The following COL18A1 variants were observed in gnomAD, a reference collection of about 807,000 sequenced individuals.
The protein encoded by COL18A1 is collagen type XVIII alpha 1 chain.
Under a neutral mutation model 168.0 loss-of-function variants are expected in COL18A1, and 133 were observed. The ratio of observed to expected loss-of-function variants is 0.79; its 90% CI spans 0.69 to 0.91. The LOEUF is 0.91. Among genes scored for constraint, COL18A1 ranks in the 40% least tolerant of loss-of-function variants. The pLI is 0.00. For synonymous variants in COL18A1, 949 were observed against 809.0 expected, an observed-to-expected ratio of 1.17 and a Z score of -2.94; for missense variants, 2,126 against 1,925.4, an observed-to-expected ratio of 1.10 and a Z score of -1.95.
intron 30 of COL18A1, 47 bp downstream of exon 30, chr21:45,496,615 ACACAGAGCCC>A (rs1329695851): frequency 1.1e-6 from 1 of 901,402 alleles, no homozygotes; most frequent in Non-Finnish European, 1.9e-6. Context: ...CTTGGCTGTC[ACACAGAGCCC>A]CACAGAGGGG....
rs2034443684 is a variant in COL18A1, at chr21:45,443,758, T to C, written c.107-24484T>C. 6.6e-6 allele frequency among the ~76,000 whole-genome samples: 1 copy of C among 152,134 alleles called. No individual in the cohort carries two copies. The highest frequency in any genetic ancestry group is 2.4e-5 in the African/African-American group (1 of 41,434). ...TGGTGAAGAGTCTTTATGAGAGCAATGCGGCCCCGTGCCCCTTTACGCGGC... is the reference window on the plus strand; with the variant it reads ...TGGTGAAGAGTCTTTATGAGAGCAACGCGGCCCCGTGCCCCTTTACGCGGC... On this transcript the variant is annotated intron_variant, in intron 2 of 41. Coordinates refer to ENST00000651438, the MANE Select transcript of COL18A1 (RefSeq NM_001379500.1). The surrounding 1 kb of genome is among the most constrained non-coding windows in gnomAD (Gnocchi z 5.2).
At chr21:45,511,360 A>G (rs898942093) in intron 41 of COL18A1, 134 bp downstream of exon 41, 6 of 682,012 alleles carry the variant, frequency 8.8e-6, no homozygotes, top group Admixed American at 4.2e-5. Context: ...AAATTACAAA[A>G]TCCAAAAGAG....
At chr21:45,505,044 G>A in intron 34 of COL18A1, 90 bp from the exon 35 acceptor site, 9 of 1,514,590 alleles carry the variant, frequency 5.9e-6, no homozygotes, top group African/African-American at 2.7e-5. Context: ...GCTCGCCAAG[G>A]GGGTCTTGGC....
chr21:45,447,030 C>T (rs904462124), intron 2 of COL18A1, among the ~76,000 whole-genome samples: 4 of 152,128 alleles, frequency 2.6e-5, no homozygotes, highest in Admixed American at 6.6e-5. Context: ...GGTGGAGGAG[C>T]GAATGCTTTC....
intron 2 of COL18A1, among the ~76,000 whole-genome samples, chr21:45,437,355 T>C (rs1380847286): frequency 1.0e-4 from 4 of 38,458 alleles, no homozygotes; most frequent in Admixed American, 2.8e-4. Flanking sequence ...GGCACTCTCC[T>C]GCGCACACAC....
At chr21:45,500,297 T>TGA (rs1278706611) in intron 32 of COL18A1, among the ~76,000 whole-genome samples, 1 of 32,338 alleles carries the variant, frequency 3.1e-5, no homozygotes, top group Non-Finnish European at 5.9e-5. Context: ...GTGTGGAGTG[T>TGA]ATATGTGGGT....
At chr21:45,503,591 T>G (rs980154635) in intron 32 of COL18A1, among the ~76,000 whole-genome samples, 1 of 132,564 alleles carries the variant, frequency 7.5e-6, no homozygotes, top group South Asian at 2.3e-4. Flanking sequence ...AACAATGAGA[T>G]CACATGGACA....
At chr21:45,437,417 C>T (rs1320132154) in intron 2 of COL18A1, among the ~76,000 whole-genome samples, 1 of 108,614 alleles carries the variant, frequency 9.2e-6, no homozygotes, top group Non-Finnish European at 1.8e-5. Context: ...CACACTCAGA[C>T]ACACAGGCAC....
At chr21:45,442,653 G>C (rs1362190635) in intron 2 of COL18A1, among the ~76,000 whole-genome samples, 4 of 145,850 alleles carry the variant, frequency 2.7e-5, no homozygotes, top group Non-Finnish European at 4.5e-5. Flanking sequence ...GGGCAGCGGT[G>C]CTGGTGTGGG....
rs1046000639 is a variant in COL18A1, at chr21:45,443,560, G to C, written c.107-24682G>C. 1.3e-5 allele frequency among the ~76,000 whole-genome samples: 2 copies of C among 152,130 alleles called. No homozygotes were observed. Among genetic ancestry groups the C allele is most frequent in the Non-Finnish European group, 2.9e-5 (2 of 68,000 alleles). ...TGCACTGTGGTCTCTCGGGACCTAG[G>C]AGGTCCCGGGGTGTGGACTGTGCTG... On this transcript the variant is annotated intron_variant, in intron 2 of 41. Transcript: ENST00000651438. The surrounding 1 kb of genome is among the most constrained non-coding windows in gnomAD (Gnocchi z 5.2).
At chr21:45,421,161 C>G in intron 2 of COL18A1, 1 of 345,534 alleles carries the variant, frequency 2.9e-6, no homozygotes, top group South Asian at 2.2e-5. Context: ...TCCTCAAGGA[C>G]AGACGGACAG....
chr21:45,408,167 C>G (rs939400428), intron 2 of COL18A1: 1 of 152,270 alleles, frequency 6.6e-6, no homozygotes, highest in African/African-American at 2.4e-5. Context: ...CTGCCCTGCT[C>G]CAGAGTGCAG....
chr21:45,493,964 G>A, intron 26 of COL18A1: 2 of 295,312 alleles, frequency 6.8e-6, no homozygotes, highest in Non-Finnish European at 1.3e-5. Context: ...GATGCTGTGG[G>A]CAGGGCCCGG....
chr21:45,473,468 C>T lies in COL18A1; in HGVS notation c.652-427C>T, dbSNP rs1288934359. 6.6e-6 allele frequency among the ~76,000 whole-genome samples: 1 copy of T among 152,194 alleles called. No individual in the cohort carries two copies. Among genetic ancestry groups the T allele is most frequent in the Non-Finnish European group, 1.5e-5 (1 of 68,040 alleles). ...AAGCCATGGTGCCACCTCGGTTGGT[C>T]CGAGTCGGGAGATGAGGCCGCCTGG... On this transcript the variant is annotated intron_variant, in intron 3 of 41. Transcript: ENST00000651438. This position sits in a 1 kb window ranked among gnomAD's most constrained non-coding sequence, Gnocchi z 4.0.
chr21:45,512,090 G>GGGCT, intron 41 of COL18A1, 98 bp from the exon 42 acceptor site: 1 of 1,353,094 alleles, frequency 7.4e-7, no homozygotes, highest in Non-Finnish European at 1.0e-6. Context: ...GGTAACCCCA[G>GGGCT]GGCTGGCCTC....
intron 41 of COL18A1, among the ~76,000 whole-genome samples, chr21:45,511,571 A>G (rs2037610525): frequency 6.6e-6 from 1 of 152,098 alleles, no homozygotes; most frequent in African/African-American, 2.4e-5. Flanking sequence ...AACTCCTCAA[A>G]GGGCAACACG....
chr21:45,493,115 G>T (rs1218742649), intron 24 of COL18A1, 48 bp from the exon 25 acceptor site: 6 of 1,519,548 alleles, frequency 3.9e-6, no homozygotes, highest in Non-Finnish European at 5.4e-6. Context: ...CGTCGGGGAT[G>T]GGGGAGATGC....
chr21:45,420,489 C>T (rs2033587314), intron 2 of COL18A1: 1 of 152,166 alleles, frequency 6.6e-6, no homozygotes, highest in Admixed American at 6.5e-5. Flanking sequence ...GCTGCCCTCT[C>T]CCTCTCCCGG....
chr21:45,441,490 C>T (rs897846213), intron 2 of COL18A1, among the ~76,000 whole-genome samples: 2 of 152,228 alleles, frequency 1.3e-5, no homozygotes, highest in Non-Finnish European at 1.5e-5. Flanking sequence ...GAACCCACCT[C>T]GAGGGCTGCC....
Sources: gnomAD v4.1 joint callset for allele counts (sites outside exome capture counted in the v4.1 genomes callset) on GRCh38, gnomAD v4.1.1 for gene constraint, Gnocchi (gnomAD v3.1) non-coding constraint, MANE v1.5 for transcripts, NCBI Gene and HGNC (gene_info 2026-07-23, HGNC 2026-07-21) for gene names.